The following ZNF331 variants were observed in gnomAD, a reference collection of about 807,000 sequenced individuals.
ZNF331 encodes the protein C2H2-like zinc finger protein rearranged in thyroid adenomas.
ZNF331 carries 2 observed loss-of-function variants against 7.0 expected under a neutral mutation model. That is an observed-to-expected ratio of 0.29 (90% CI 0.12 to 0.90). The LOEUF (loss-of-function observed/expected upper bound fraction) is 0.90. Ranked by LOEUF, ZNF331 falls within the 40% of genes least tolerant of loss-of-function variation. ZNF331 has a pLI of 0.58. For synonymous variants in ZNF331, 196 were observed against 205.4 expected (o/e 0.95, Z 0.39); for missense variants, 432 against 587.7 (o/e 0.74, Z 2.74).
rs2089585279 is a variant in ZNF331, at chr19:53,558,661, G to A, written c.-74+2753G>A. On this transcript the variant is annotated intron_variant, in intron 3 of 5. Coordinates refer to ENST00000449416, the MANE Select transcript of ZNF331 (RefSeq NM_001079906.2). The surrounding 1 kb of genome is among the most constrained non-coding windows in gnomAD (Gnocchi z 4.5). Reference sequence around the variant, plus strand: ...AGTGAGAGTCCTGCTTTGGGCAGGTGAAAGGAGGGCAAGAGAAGATGAGAG... The same window carrying A: ...AGTGAGAGTCCTGCTTTGGGCAGGTAAAAGGAGGGCAAGAGAAGATGAGAG... Among the ~76,000 whole-genome samples the A allele has an allele frequency of 6.6e-6, 1 of 151,912 alleles. No homozygotes were observed. Among genetic ancestry groups the A allele is most frequent in the African/African-American group, 2.4e-5 (1 of 41,316 alleles).
At chr19:53,568,094 C>A (rs1231913300) in intron 3 of ZNF331, among the ~76,000 whole-genome samples, 1 of 151,834 alleles carries the variant, frequency 6.6e-6, no homozygotes, top group Non-Finnish European at 1.5e-5. Context: ...ACTAAAAATA[C>A]AAAAATTAGC....
At chr19:53,535,096 T>C (rs1303968122), upstream of ZNF331, among the ~76,000 whole-genome samples, 1 of 151,932 alleles carries the variant, frequency 6.6e-6, no homozygotes, top group Non-Finnish European at 1.5e-5. Context: ...ATTTATTTAT[T>C]TATCTATTTA....
chr19:53,558,910 C>CA lies in ZNF331; in HGVS notation c.-74+3002_-74+3003insA, dbSNP rs2089607038. Among the ~76,000 whole-genome samples, 2 of 124,214 alleles carry CA rather than the reference C, an allele frequency of 1.6e-5. No homozygotes were observed. Among genetic ancestry groups the CA allele is most frequent in the African/African-American group, 7.5e-5 (2 of 26,832 alleles). The allele number at this position is 124,214 out of a possible 152,430, so 81.5% of individuals were successfully genotyped here. A position where few individuals can be genotyped will look rare whatever the true frequency, so the allele number is the denominator to read the frequency against. ...CACACATATACACACCTATACACAC[C>CA]TACATATATACACACACATACACAC... On this transcript the variant is annotated intron_variant, in intron 3 of 5. Transcript: ENST00000449416. This position sits in a 1 kb window ranked among gnomAD's most constrained non-coding sequence, Gnocchi z 4.5.
intron 2 of ZNF331, among the ~76,000 whole-genome samples, chr19:53,526,544 G>T (rs534887683): frequency 1.4e-5 from 2 of 146,462 alleles, no homozygotes; most frequent in South Asian, 2.2e-4. Context: ...ATTTTTTGGC[G>T]TAGAAATTTT....
At chr19:53,509,660 G>T in the ZNF331 span, among the ~76,000 whole-genome samples, 1 of 152,194 alleles carries the variant, frequency 6.6e-6, no homozygotes, top group African/African-American at 2.4e-5. Flanking sequence ...CACTTCCGAG[G>T]TCAGATTCTC....
At chr19:53,531,705 C>T (rs2087547051) in intron 2 of ZNF331, among the ~76,000 whole-genome samples, 1 of 152,124 alleles carries the variant, frequency 6.6e-6, no homozygotes, top group Non-Finnish European at 1.5e-5. Context: ...TCCAAGTAAT[C>T]AATAAATTGA....
Position 53,571,171 on chromosome 19 carries a change from C to T in ZNF331, c.10-433C>T, listed in dbSNP as rs965376266. Among the ~76,000 whole-genome samples the T allele has an allele frequency of 7.9e-5, 12 of 152,164 alleles. No homozygotes were observed. In the South Asian group the frequency reaches 1.5e-3, roughly 18 times the overall value. On this transcript the variant is annotated intron_variant, in intron 4 of 5. Coordinates refer to ENST00000449416, the MANE Select transcript of ZNF331 (RefSeq NM_001079906.2). The surrounding 1 kb of genome is among the most constrained non-coding windows in gnomAD (Gnocchi z 4.7). ...GTTGGGATTACAGGCGTGAGCCCCC[C>T]GCCCAGCCCCAGCAAACCCTATTTT...
chr19:53,504,007 AGGCACAAGC>A, the ZNF331 span: 1,120 of 523,246 alleles, frequency 2.1e-3, no homozygotes, highest in Non-Finnish European at 2.1e-3. Context: ...CATCCTGCAC[AGGCACAAGC>A]GGCGGGTCCA....
chr19:53,503,745 G>A, the ZNF331 span: 454 of 700,646 alleles, frequency 6.5e-4, no homozygotes, highest in Non-Finnish European at 8.6e-4. Flanking sequence ...GGTGGGCAGA[G>A]CTTAAAGGGA....
At chr19:53,523,920 C>A (rs1034834722) in intron 2 of ZNF331, among the ~76,000 whole-genome samples, 1 of 152,144 alleles carries the variant, frequency 6.6e-6, no homozygotes, top group Non-Finnish European at 1.5e-5. Context: ...CCCCAGCCCC[C>A]CAACTCCGAC....
At chr19:53,507,669 G>A in the ZNF331 span, among the ~76,000 whole-genome samples, 3 of 152,184 alleles carry the variant, frequency 2.0e-5, no homozygotes, top group South Asian at 4.1e-4. Context: ...TGCCAGCCAC[G>A]TGGAACCTGC....
At position 53,577,637 on chromosome 19, in the gene ZNF331, A is replaced by C; in HGVS notation, c.1077A>C (p.Glu359Asp). The change falls in exon 6 of 6, where the codon GAA (glutamate) becomes GAC (aspartate). Residue 359 changes from glutamate to aspartate, a missense_variant. Physicochemically the swap from Glu to Asp is conservative, Grantham distance 45 (BLOSUM62 2). This residue lies in a region of ZNF331 where 312 missense variants were observed against 448.6 expected (regional missense o/e 0.70). Coordinates refer to ENST00000449416, the MANE Select transcript of ZNF331 (RefSeq NM_001079906.2). ...GCGAGAAGCCGTACAAGTGCACAGA[A>C]TGTGGGAAGGCCTTCAATTGTGGCT... is the stretch of plus-strand genomic sequence containing the variant. ...HTGEKPYKCTECGKAFNCGYH... is the reference protein window; with the variant it reads ...HTGEKPYKCTDCGKAFNCGYH... 6.2e-7 allele frequency: 1 copy of C among 1,613,694 alleles called. No individual in the cohort carries two copies. The highest frequency in any genetic ancestry group is 1.3e-5 in the African/African-American group (1 of 74,886).
chr19:53,545,507 G>A (rs779551745), intron 2 of ZNF331, among the ~76,000 whole-genome samples: 3 of 152,140 alleles, frequency 2.0e-5, no homozygotes, highest in South Asian at 2.1e-4. Context: ...TGGCTCGCCC[G>A]GCATCACCCC....
chr19:53,523,224 T>A (rs566657462), intron 2 of ZNF331: 10 of 150,784 alleles, frequency 6.6e-5, no homozygotes, highest in East Asian at 5.8e-4. Flanking sequence ...TATACTATAT[T>A]TTTTTTTTAT....
chr19:53,564,109 A>G (rs1600439249), intron 3 of ZNF331, among the ~76,000 whole-genome samples: 2 of 113,822 alleles, frequency 1.8e-5, no homozygotes, highest in Non-Finnish European at 3.3e-5. Flanking sequence ...ACAGAGTCTC[A>G]CTCTGTTGCC....
rs538801892 is a variant in ZNF331, at chr19:53,580,214, A to G, written c.*2262A>G. ...CAGAACATCACATTGTACTCCATCA[A>G]TATAATACAATTATTATTTGTCAAT... is the stretch of plus-strand genomic sequence containing the variant. On this transcript the variant is annotated 3_prime_UTR_variant, in exon 6 of 6. Transcript: ENST00000449416. 2.1e-5 allele frequency: 4 copies of G among 188,658 alleles called. No homozygotes were observed. In the East Asian group the frequency reaches 3.4e-4, roughly 16 times the overall value. The allele number at this position is 188,658 out of a possible 1,614,324, so 11.7% of individuals were successfully genotyped here.
At chr19:53,548,794 G>A (rs2088794491) in intron 2 of ZNF331, among the ~76,000 whole-genome samples, 2 of 151,538 alleles carry the variant, frequency 1.3e-5, no homozygotes, top group African/African-American at 4.8e-5. Context: ...TACAGTTTCT[G>A]GTCTTACTTT....
upstream of ZNF331, among the ~76,000 whole-genome samples, chr19:53,519,631 C>T (rs913880644): frequency 6.6e-6 from 1 of 152,198 alleles, no homozygotes; most frequent in Non-Finnish European, 1.5e-5. Context: ...CAGCCCAGGC[C>T]TCTCCCGCCC....
chr19:53,554,284 C>T (rs995758939), intron 2 of ZNF331, among the ~76,000 whole-genome samples: 25 of 152,294 alleles, frequency 1.6e-4, no homozygotes, highest in Middle Eastern at 3.4e-3. Flanking sequence ...CGTCTGTGCA[C>T]GCGCACATGT....
Sources: gnomAD v4.1 joint callset for allele counts (sites outside exome capture counted in the v4.1 genomes callset) on GRCh38, gnomAD v4.1.1 for gene constraint, gnomAD v4.1.1 regional missense constraint, Gnocchi (gnomAD v3.1) non-coding constraint, MANE v1.5 for transcripts, NCBI Gene and HGNC (gene_info 2026-07-23, HGNC 2026-07-21) for gene names.